The following UTRN variants were observed in gnomAD, a reference collection of about 807,000 sequenced individuals.
The protein encoded by UTRN is dystrophin-related protein 1.
A neutral mutation model predicts 463.9 loss-of-function variants in UTRN; 283 were observed. The observed-to-expected ratio is 0.61, with a 90% CI of 0.55 to 0.67. The LOEUF (loss-of-function observed/expected upper bound fraction) is 0.67. UTRN is among the 30% of genes least tolerant of loss of function. The pLI, the probability that UTRN is intolerant of heterozygous loss-of-function variation, is 0.00. For synonymous variants in UTRN, 1,442 were observed against 1,431.5 expected, an observed-to-expected ratio of 1.01 and a Z score of -0.17; for missense variants, 3,922 against 4,084.3, an observed-to-expected ratio of 0.96 and a Z score of 1.08.
Position 144,797,861 on chromosome 6 carries a change from T to C in UTRN, c.9116T>C (p.Ile3039Thr). 1.2e-6 allele frequency: 2 copies of C among 1,614,188 alleles called. No homozygotes were observed. Among genetic ancestry groups the C allele is most frequent in the Non-Finnish European group, 1.7e-6 (2 of 1,180,006 alleles). Residue 3039 changes from isoleucine (I) to threonine (T), a missense_variant, in exon 64 of 75, where the codon ATA (isoleucine) becomes ACA (threonine). Ile to Thr is a moderately conservative substitution (Grantham distance 89, BLOSUM62 -1). Coordinates refer to ENST00000367545, the MANE Select transcript of UTRN (RefSeq NM_007124.3). ...NKPEISVKEF[I>T]DWMHLEPQSM... ...CCAGAAATAAGTGTGAAAGAGTTTA[T>C]AGATTGGATGCATTTGGAACCACAG...
chr6:144,796,294 A>G (rs1164828919), intron 63 of UTRN, among the ~76,000 whole-genome samples: 1 of 152,120 alleles, frequency 6.6e-6, no homozygotes, highest in African/African-American at 2.4e-5. Flanking sequence ...AGAGGGCTCC[A>G]CCCTCATGAC....
At chr6:144,598,893 TG>T (rs1463700892) in intron 51 of UTRN, among the ~76,000 whole-genome samples, 11 of 152,182 alleles carry the variant, frequency 7.2e-5, no homozygotes, top group African/African-American at 2.7e-4. Flanking sequence ...TTCAGTTGGT[TG>T]GGGGCCATAG....
intron 53 of UTRN, among the ~76,000 whole-genome samples, chr6:144,710,957 TA>T (rs1393673116): frequency 5.3e-5 from 8 of 152,202 alleles, no homozygotes; most frequent in African/African-American, 1.9e-4. Flanking sequence ...AGTACATGTT[TA>T]ATTCCCTCAA....
chr6:144,351,179 T>A (rs1036482420), intron 2 of UTRN, among the ~76,000 whole-genome samples: 1 of 152,226 alleles, frequency 6.6e-6, no homozygotes, highest in Non-Finnish European at 1.5e-5. Flanking sequence ...TAAAGGTACA[T>A]CTTTGTAAAA....
At chr6:144,622,419 G>A (rs535305460) in intron 51 of UTRN, among the ~76,000 whole-genome samples, 7 of 151,900 alleles carry the variant, frequency 4.6e-5, no homozygotes, top group East Asian at 3.9e-4. Context: ...ACTCCTGACC[G>A]CAAGTGATCT....
intron 51 of UTRN, among the ~76,000 whole-genome samples, chr6:144,607,781 A>G (rs1462125442): frequency 6.6e-6 from 1 of 152,224 alleles, no homozygotes; most frequent in Non-Finnish European, 1.5e-5. Flanking sequence ...ATGAATCTGT[A>G]TAACTTAGAA....
At chr6:144,440,169 T>TGATAATGGA (rs1787005531) in intron 12 of UTRN, among the ~76,000 whole-genome samples, 183 bp from the exon 13 acceptor site, 1 of 152,236 alleles carries the variant, frequency 6.6e-6, no homozygotes, top group Non-Finnish European at 1.5e-5. Flanking sequence ...CTGCCTTTGT[T>TGATAATGGA]GATAATGGAA....
At chr6:144,803,246 A>T (rs1777857463) in intron 65 of UTRN, 99 bp downstream of exon 65, 5 of 761,330 alleles carry the variant, frequency 6.6e-6, no homozygotes, top group Non-Finnish European at 7.3e-6. Flanking sequence ...TTTTTGAAAA[A>T]ATATCACTTT....
intron 59 of UTRN, among the ~76,000 whole-genome samples, chr6:144,774,012 T>C (rs893649596): frequency 6.6e-6 from 1 of 152,194 alleles, no homozygotes; most frequent in Non-Finnish European, 1.5e-5. Flanking sequence ...TCTCCTTCAT[T>C]TCAAAGTACT....
chr6:144,491,836 A>G (rs1350241288), intron 32 of UTRN, among the ~76,000 whole-genome samples: 2 of 152,194 alleles, frequency 1.3e-5, no homozygotes, highest in African/African-American at 4.8e-5. Flanking sequence ...TTCATGGAAC[A>G]TACATAGTTC....
At chr6:144,502,007 CT>C (rs952741154) in intron 34 of UTRN, among the ~76,000 whole-genome samples, 2 of 151,850 alleles carry the variant, frequency 1.3e-5, no homozygotes, top group African/African-American at 4.8e-5. Context: ...TAATTTGGAG[CT>C]TTTTATCTGT....
chr6:144,815,189 T>A (rs760660518), intron 65 of UTRN, among the ~76,000 whole-genome samples: 22 of 152,226 alleles, frequency 1.4e-4, no homozygotes, highest in Non-Finnish European at 3.1e-4. Context: ...GCATTGATCA[T>A]CTTTGGAAAA....
intron 2 of UTRN, among the ~76,000 whole-genome samples, chr6:144,397,212 C>G (rs1782517119): frequency 6.6e-6 from 1 of 151,990 alleles, no homozygotes; most frequent in South Asian, 2.1e-4. Flanking sequence ...CCATTGCACT[C>G]CAGCCTGGGC....
At chr6:144,440,618 C>G in intron 13 of UTRN, 147 bp downstream of exon 13, 3 of 1,075,994 alleles carry the variant, frequency 2.8e-6, no homozygotes, top group Non-Finnish European at 4.0e-6. Flanking sequence ...AGTTGGGGTT[C>G]TACAGTGTGT....
intron 58 of UTRN, among the ~76,000 whole-genome samples, chr6:144,771,584 C>T (rs867790837): frequency 6.6e-6 from 1 of 151,970 alleles, no homozygotes; most frequent in Middle Eastern, 3.2e-3. Flanking sequence ...CACCACCATA[C>T]CTGGCTAATT....
intron 2 of UTRN, among the ~76,000 whole-genome samples, chr6:144,313,109 TCTTGATGA>T (rs1265038462): frequency 6.6e-6 from 1 of 152,236 alleles, no homozygotes; most frequent in Non-Finnish European, 1.5e-5. Flanking sequence ...TGTTCCATTT[TCTTGATGA>T]GGCTTGCCCC....
intron 2 of UTRN, among the ~76,000 whole-genome samples, chr6:144,395,162 A>G (rs1400285365): frequency 6.6e-6 from 1 of 152,178 alleles, no homozygotes; most frequent in East Asian, 1.9e-4. Context: ...CAATAAAAAA[A>G]TGTTTTCTGT....
rs1303029981 is a variant in UTRN at position 144,796,088 on chromosome 6, T to G, written c.9079-1736T>G. 2.0e-5 allele frequency among the ~76,000 whole-genome samples: 3 copies of G among 152,204 alleles called. No individual in the cohort carries two copies. In the East Asian group the frequency reaches 5.8e-4, roughly 29 times the overall value. On this transcript the variant is annotated intron_variant, in intron 63 of 74. Transcript: ENST00000367545. ...TTAATCCATCTTGAGTTAATTTTTG[T>G]GTGAGGTGTAAGGAAGGGGTTAAGT...
At chr6:144,741,786 T>A (rs1156799365) in intron 54 of UTRN, among the ~76,000 whole-genome samples, 1 of 152,126 alleles carries the variant, frequency 6.6e-6, no homozygotes, top group Non-Finnish European at 1.5e-5. Flanking sequence ...TTCCTTGGAG[T>A]TGCGTCTGTC....
Sources: gnomAD v4.1 joint callset for allele counts (sites outside exome capture counted in the v4.1 genomes callset) on GRCh38, gnomAD v4.1.1 for gene constraint, MANE v1.5 for transcripts, NCBI Gene and HGNC (gene_info 2026-07-23, HGNC 2026-07-21) for gene names.